The following RYR3 variants were observed in gnomAD, a reference collection of about 807,000 sequenced individuals.
The protein encoded by RYR3 is brain ryanodine receptor-calcium release channel.
In RYR3, 207 loss-of-function variants were observed where a neutral mutation model predicts 584.3. The observed-to-expected ratio is 0.35, with a 90% CI of 0.32 to 0.40. The LOEUF is 0.40. Ranked by LOEUF, RYR3 falls within the 10% of genes least tolerant of loss-of-function variation. The pLI is 1.00. For missense variants in RYR3, 5,616 were observed against 6,089.2 expected (o/e 0.92, Z 2.59); for synonymous variants, 2,416 against 2,248.5 (o/e 1.07, Z -2.11).
chr15:33,688,089 T>C (rs1596161465), intron 38 of RYR3, among the ~76,000 whole-genome samples: 2 of 152,150 alleles, frequency 1.3e-5, no homozygotes, highest in East Asian at 3.8e-4. Context: ...CAAGAGCTTC[T>C]GCACAGCAAA....
Position 33,669,843 on chromosome 15 carries a change from TGGGG to T in RYR3, c.5722+399_5722+402del, listed in dbSNP as rs35446204. ...TTTAGCTATTAGGGGTGTGTGTGTG[TGGGG>T]GGGGGGGGGGGTGTGGGTGTGTGGG... On this transcript the variant is annotated intron_variant, in intron 37 of 103. Transcript: ENST00000634891. 2.9e-3 allele frequency among the ~76,000 whole-genome samples: 65 copies of T among 22,106 alleles called. 2 individuals are homozygous for T. Among genetic ancestry groups the T allele is most frequent in the Middle Eastern group, 0.031 (1 of 32 alleles). The allele number at this position is 22,106 out of a possible 152,430, so 14.5% of individuals were successfully genotyped here.
chr15:33,409,209 G>A, intron 1 of RYR3, among the ~76,000 whole-genome samples: 1 of 152,054 alleles, frequency 6.6e-6, no homozygotes, highest in Non-Finnish European at 1.5e-5. Context: ...CCTTCTTTAA[G>A]TTTTAACGTG....
chr15:33,395,449 C>T (rs546156648), intron 1 of RYR3, among the ~76,000 whole-genome samples: 5 of 152,324 alleles, frequency 3.3e-5, no homozygotes, highest in East Asian at 1.9e-4. Flanking sequence ...TGCTACATAA[C>T]GCAAGGCACA....
intron 5 of RYR3, among the ~76,000 whole-genome samples, chr15:33,537,634 C>A (rs1305827026): frequency 6.6e-6 from 1 of 152,126 alleles, no homozygotes; most frequent in African/African-American, 2.4e-5. Context: ...GTGTGACTTG[C>A]TTTTATTTTC....
At chr15:33,586,930 T>C (rs1156945514) in intron 16 of RYR3, among the ~76,000 whole-genome samples, 1 of 152,080 alleles carries the variant, frequency 6.6e-6, no homozygotes, top group African/African-American at 2.4e-5. Context: ...TCAGAGCAGA[T>C]GGCATGATGG....
intron 97 of RYR3, 64 bp from the exon 98 acceptor site, chr15:33,854,702 A>T: frequency 1.3e-6 from 2 of 1,535,270 alleles, no homozygotes. Flanking sequence ...ATAAGAAAAA[A>T]TGTTTTATAA....
At chr15:33,725,178 CACACACACACACACACACACACACAT>C (rs1256565573) in intron 45 of RYR3, among the ~76,000 whole-genome samples, 3 of 120,840 alleles carry the variant, frequency 2.5e-5, no homozygotes, top group Non-Finnish European at 5.6e-5. Flanking sequence ...CACACACACA[CACACACACACACACACACACACACAT>C]ATATACATCC....
Position 33,470,909 on chromosome 15 carries a change from G to A in RYR3, c.52-2510G>A, listed in dbSNP as rs552604410. Among the ~76,000 whole-genome samples the A allele has an allele frequency of 1.2e-3, 188 of 152,296 alleles. 2 individuals are homozygous for A. Among genetic ancestry groups the A allele is most frequent in the African/African-American group, 4.1e-3 (170 of 41,570 alleles). On this transcript the variant is annotated intron_variant, in intron 1 of 103. Coordinates refer to ENST00000634891, the MANE Select transcript of RYR3 (RefSeq NM_001036.6). ...TGATTTAAAGCAAAATGAGAAAAAA[G>A]GAGGGAGGATAATTCTAGGGGAGAA...
chr15:33,551,357 T>G (rs933763731), intron 10 of RYR3, among the ~76,000 whole-genome samples: 1 of 152,212 alleles, frequency 6.6e-6, no homozygotes, highest in Non-Finnish European at 1.5e-5. Flanking sequence ...TCAAGGGTTG[T>G]TGAGGATTCT....
chr15:33,686,671 T>A (rs1427694444), intron 38 of RYR3, among the ~76,000 whole-genome samples: 1 of 152,100 alleles, frequency 6.6e-6, no homozygotes, highest in Non-Finnish European at 1.5e-5. Flanking sequence ...GATGCCAACA[T>A]CCTCAATAAA....
chr15:33,806,473 C>G (rs62016673), intron 69 of RYR3, among the ~76,000 whole-genome samples: 3 of 151,074 alleles, frequency 2.0e-5, no homozygotes, highest in Non-Finnish European at 2.9e-5. Context: ...GGCAACATAG[C>G]GAAACCCTGT....
intron 1 of RYR3, among the ~76,000 whole-genome samples, chr15:33,405,173 A>G (rs991430422): frequency 6.6e-6 from 1 of 152,222 alleles, no homozygotes; most frequent in Non-Finnish European, 1.5e-5. Context: ...GTTTTCTTGC[A>G]GGAGTATTTT....
At chr15:33,494,955 T>C (rs2051290071) in intron 2 of RYR3, among the ~76,000 whole-genome samples, 1 of 152,198 alleles carries the variant, frequency 6.6e-6, no homozygotes, top group East Asian at 1.9e-4. Flanking sequence ...AAATCACACA[T>C]GTGGTCCATA....
chr15:33,379,422 C>T lies in RYR3; in HGVS notation c.51+68326C>T, dbSNP rs914719845. ...TGGGCATTTGGTTACAGTTTAGTGC[C>T]TGTGAAAAAAATACTTTTTGTCATT... On this transcript the variant is annotated intron_variant, in intron 1 of 103. Transcript: ENST00000634891. Among the ~76,000 whole-genome samples the T allele has an allele frequency of 2.0e-5, 3 of 152,022 alleles. No individual in the cohort carries two copies. The East Asian group carries it at 5.8e-4, about 29-fold the overall frequency.
In RYR3 at chr15:33,632,856, G is replaced by T. The variant is rs746692289; in HGVS notation, c.2868-93G>T. 2.8e-6 allele frequency: 3 copies of T among 1,074,570 alleles called. No homozygotes were observed. In the East Asian group the frequency reaches 7.2e-5, roughly 26 times the overall value. The allele number at this position is 1,074,570 out of a possible 1,614,324, so 66.6% of individuals were successfully genotyped here. ...GACCTGTGACTGTAGCCTTATTTGC[G>T]TAGCGTTCTTACCATGTGCTCTTGG... On this transcript the variant is annotated intron_variant, in intron 23 of 103. Transcript: ENST00000634891.
chr15:33,688,489 C>T (rs1355986056), intron 38 of RYR3, among the ~76,000 whole-genome samples: 6 of 148,710 alleles, frequency 4.0e-5, no homozygotes, highest in Non-Finnish European at 5.9e-5. Flanking sequence ...AGGAGAATGG[C>T]GTGGACCCGG....
chr15:33,840,866 A>G lies in RYR3; in HGVS notation c.13020A>G (p.Val4340=). ...MKAANEAEGK[V]ESEKADMEDG... Reference sequence around the variant, plus strand: ...CAGCAAATGAAGCAGAAGGAAAAGTAGAATCCGAGAAGGCAGAGTAAGTTC... The same window carrying G: ...CAGCAAATGAAGCAGAAGGAAAAGTGGAATCCGAGAAGGCAGAGTAAGTTC... Residue 4340 remains valine, a synonymous_variant, in exon 90 of 104, where the codon GTA becomes GTG. Coordinates refer to ENST00000634891, the MANE Select transcript of RYR3 (RefSeq NM_001036.6). 6.2e-7 allele frequency: 1 copy of G among 1,613,928 alleles called. No homozygotes were observed. The highest frequency in any genetic ancestry group is 8.5e-7 in the Non-Finnish European group (1 of 1,179,850).
intron 12 of RYR3, among the ~76,000 whole-genome samples, chr15:33,570,433 GATCT>G (rs1261314640): frequency 1.3e-5 from 2 of 152,074 alleles, no homozygotes; most frequent in African/African-American, 4.8e-5. Context: ...CTGTTCCATT[GATCT>G]ATATGCCTGT....
intron 42 of RYR3, among the ~76,000 whole-genome samples, chr15:33,705,096 ACT>A (rs1336132046): frequency 2.5e-5 from 2 of 78,874 alleles, no homozygotes; most frequent in African/African-American, 1.1e-4. Context: ...ATGCACACAC[ACT>A]CTTTCTCTCT....
Sources: gnomAD v4.1 joint callset for allele counts (sites outside exome capture counted in the v4.1 genomes callset) on GRCh38, gnomAD v4.1.1 for gene constraint, MANE v1.5 for transcripts, NCBI Gene and HGNC (gene_info 2026-07-23, HGNC 2026-07-21) for gene names.